The following ACOT7 variants were observed in gnomAD, a reference collection of about 807,000 sequenced individuals.
The protein encoded by ACOT7 is acyl-CoA thioesterase 7, also known as cytosolic acyl coenzyme A thioester hydrolase.
ACOT7 carries 12 observed loss-of-function variants against 40.2 expected under a neutral mutation model. The observed-to-expected ratio is 0.30, with a 90% CI of 0.19 to 0.48. The LOEUF is 0.48. ACOT7 is among the 20% of genes least tolerant of loss of function. ACOT7 has a pLI of 0.99. For synonymous variants in ACOT7, 228 were observed against 219.5 expected, an observed-to-expected ratio of 1.04 and a Z score of -0.34; for missense variants, 395 against 530.8, an observed-to-expected ratio of 0.74 and a Z score of 2.51.
chr1:6,387,101 G>A (rs111543975), intron 1 of ACOT7, among the ~76,000 whole-genome samples: 2 of 152,184 alleles, frequency 1.3e-5, no homozygotes, highest in African/African-American at 4.8e-5. Context: ...CACTGAGCTC[G>A]ATCCGGTTCC....
chr1:6,339,698 C>T (rs1232439683), intron 2 of ACOT7, 109 bp from the exon 3 acceptor site: 5 of 1,321,236 alleles, frequency 3.8e-6, no homozygotes, highest in Admixed American at 2.7e-5. Flanking sequence ...TCATTCCCCA[C>T]TGTGAAAGCA....
In ACOT7 at chr1:6,295,406, C is replaced by T. The variant is rs979698994; in HGVS notation, c.713-426G>A. The T allele has an allele frequency of 4.3e-5, 7 of 162,626 alleles. 1 individual carries two copies. The South Asian group carries it at 1.2e-3, about 27-fold the overall frequency. 10.1% of individuals were successfully genotyped at this position (162,626 alleles called of 1,614,324 possible). Reference sequence around the variant, plus strand: ...GTACTTTGGAAACAGTTTGAAGTTTCGCAAGAGGATAAACACAGAGGGACC... The same window carrying T: ...GTACTTTGGAAACAGTTTGAAGTTTTGCAAGAGGATAAACACAGAGGGACC... On this transcript the variant is annotated intron_variant, in intron 6 of 8. Transcript: ENST00000361521.
rs1433089379 is a variant in ACOT7, at chr1:6,318,011, CGT to C, written c.712+479_712+480del. Among the ~76,000 whole-genome samples, 4 of 152,180 alleles carry C rather than the reference CGT, an allele frequency of 2.6e-5. No individual in the cohort carries two copies. In the East Asian group the frequency reaches 7.7e-4, roughly 29 times the overall value. ...CCTCCCAAAGTGCTGGGATTACAGGCGTGACCTATGGCGCCCAGCCTGCCAGC... is the reference window on the plus strand; with the variant it reads ...CCTCCCAAAGTGCTGGGATTACAGGCGACCTATGGCGCCCAGCCTGCCAGC... On this transcript the variant is annotated intron_variant, in intron 6 of 8. Coordinates refer to ENST00000361521, the MANE Select transcript of ACOT7 (RefSeq NM_007274.4).
At chr1:6,327,512 G>A (rs4908880) in intron 4 of ACOT7, 99 bp from the exon 5 acceptor site, 73,687 of 982,934 alleles carry the variant, frequency 0.075, 3,227 homozygotes, top group Non-Finnish European at 0.083. Flanking sequence ...TGTGTAACTG[G>A]GACTATTTTT....
chr1:6,383,462 C>T (rs1571356904), intron 1 of ACOT7, among the ~76,000 whole-genome samples: 1 of 151,126 alleles, frequency 6.6e-6, no homozygotes, highest in East Asian at 1.9e-4. Flanking sequence ...TCTGGGATTA[C>T]AGGCGTGAGT....
At chr1:6,324,111 CTAAGCCACCATACAGGAGACCAGGCTGGT>C (rs145403096) in intron 5 of ACOT7, among the ~76,000 whole-genome samples, 3,519 of 152,154 alleles carry the variant, frequency 0.023, 67 homozygotes, top group Middle Eastern at 0.075. Flanking sequence ...CCAACTCAGG[CTAAGCCACCATACAGGAGACCAGGCTGGT>C]CTCAGATGAG....
chr1:6,323,241 A>G (rs1467842074), intron 5 of ACOT7, among the ~76,000 whole-genome samples: 2 of 152,186 alleles, frequency 1.3e-5, no homozygotes, highest in Non-Finnish European at 2.9e-5. Flanking sequence ...CTACTGAGAA[A>G]CATTACTTGC....
chr1:6,350,292 C>G (rs1429745662), intron 1 of ACOT7, among the ~76,000 whole-genome samples: 2 of 152,184 alleles, frequency 1.3e-5, no homozygotes, highest in Admixed American at 6.5e-5. Flanking sequence ...TCAGGAGTCC[C>G]AGAGAAGCCA....
chr1:6,269,147 CTGAG>C (rs1329212778), intron 8 of ACOT7, among the ~76,000 whole-genome samples: 1 of 152,226 alleles, frequency 6.6e-6, no homozygotes, highest in East Asian at 1.9e-4. Flanking sequence ...CACAGACAGG[CTGAG>C]TAACTTGCCC....
rs1639155608 is a variant in ACOT7, at chr1:6,275,274, C to T, written c.1014+5828G>A. 6.6e-6 allele frequency among the ~76,000 whole-genome samples: 1 copy of T among 152,236 alleles called. No individual in the cohort carries two copies. Among genetic ancestry groups the T allele is most frequent in the Non-Finnish European group, 1.5e-5 (1 of 68,040 alleles). On this transcript the variant is annotated intron_variant, in intron 8 of 8. Transcript: ENST00000361521. The surrounding 1 kb of genome is among the most constrained non-coding windows in gnomAD (Gnocchi z 5.6). ...GAAAACAAACCTGCTGAGAATGGCC[C>T]CCGGCCTGGTAGGGCTCCCTCAACC...
intron 6 of ACOT7, among the ~76,000 whole-genome samples, chr1:6,317,044 G>A (rs1326364618): frequency 6.6e-6 from 1 of 152,170 alleles, no homozygotes; most frequent in Non-Finnish European, 1.5e-5. Flanking sequence ...TTTCTGAGTG[G>A]AGAAGAAAAC....
chr1:6,265,612 A>G (rs1177248733), intron 8 of ACOT7, among the ~76,000 whole-genome samples: 1 of 70,166 alleles, frequency 1.4e-5, no homozygotes, highest in African/African-American at 6.1e-5. Flanking sequence ...ACCCCCTTTC[A>G]CTCTGTCTTG....
intron 6 of ACOT7, among the ~76,000 whole-genome samples, chr1:6,312,990 G>C (rs574479396): frequency 1.3e-5 from 2 of 152,322 alleles, no homozygotes; most frequent in South Asian, 4.1e-4. Context: ...GGGGACTCCA[G>C]ACCAGTAGCC....
rs1209272031 is a variant in ACOT7, at chr1:6,311,306, C to T, written c.712+7186G>A. 2.0e-5 allele frequency among the ~76,000 whole-genome samples: 3 copies of T among 152,226 alleles called. No individual in the cohort carries two copies. Among genetic ancestry groups the T allele is most frequent in the Admixed American group, 1.3e-4 (2 of 15,282 alleles). ...CCATGCCCTCCCTCCATTCCCCTCA[C>T]GCTCTAAAGACCCTGATACAGGAAC... On this transcript the variant is annotated intron_variant, in intron 6 of 8. Coordinates refer to ENST00000361521, the MANE Select transcript of ACOT7 (RefSeq NM_007274.4). The surrounding 1 kb of genome is among the most constrained non-coding windows in gnomAD (Gnocchi z 5.2).
At chr1:6,319,629 A>G (rs908520623) in intron 5 of ACOT7, among the ~76,000 whole-genome samples, 1 of 152,240 alleles carries the variant, frequency 6.6e-6, no homozygotes, top group African/African-American at 2.4e-5. Flanking sequence ...ATGTGGCCAC[A>G]TGGCTGTCCA....
chr1:6,295,531 G>A (rs1291147028), intron 6 of ACOT7: 1 of 152,534 alleles, frequency 6.6e-6, no homozygotes, highest in African/African-American at 2.4e-5. Flanking sequence ...ACGCATAGCA[G>A]CCAAAAAGTG....
At chr1:6,267,650 T>A (rs2148360784) in intron 8 of ACOT7, among the ~76,000 whole-genome samples, 1 of 152,352 alleles carries the variant, frequency 6.6e-6, no homozygotes, top group East Asian at 1.9e-4. Flanking sequence ...CAAATCTGTT[T>A]AACTTTCGCC....
chr1:6,383,058 T>G (rs1571356579), intron 1 of ACOT7, among the ~76,000 whole-genome samples: 1 of 151,584 alleles, frequency 6.6e-6, no homozygotes, highest in East Asian at 1.9e-4. Flanking sequence ...TTCGTATTTG[T>G]AGTAGAGACG....
At chr1:6,340,892 C>T (rs182253770) in intron 2 of ACOT7, among the ~76,000 whole-genome samples, 4 of 151,782 alleles carry the variant, frequency 2.6e-5, no homozygotes, top group Non-Finnish European at 2.9e-5. Flanking sequence ...AAAAGTTACC[C>T]GGGCGTGGCG....
Sources: gnomAD v4.1 joint callset for allele counts (sites outside exome capture counted in the v4.1 genomes callset) on GRCh38, gnomAD v4.1.1 for gene constraint, Gnocchi (gnomAD v3.1) non-coding constraint, MANE v1.5 for transcripts, NCBI Gene and HGNC (gene_info 2026-07-23, HGNC 2026-07-21) for gene names.